Variants in EXOC7 observed in about 807,000 individuals in gnomAD.
EXOC7 encodes the protein exocyst complex component Exo70.
In EXOC7, 51 loss-of-function variants were observed where a neutral mutation model predicts 87.6. The observed-to-expected ratio is 0.58, with a 90% confidence interval of 0.46 to 0.73. The LOEUF is 0.73. Ranked by LOEUF, EXOC7 falls within the 30% of genes least tolerant of loss-of-function variation. EXOC7 has a pLI of 0.00. For synonymous variants in EXOC7, 327 were observed against 357.1 expected, an observed-to-expected ratio of 0.92 and a Z score of 0.95; for missense variants, 744 against 888.4, an observed-to-expected ratio of 0.84 and a Z score of 2.07.
chr17:76,092,453 C>A (rs571530274), intron 6 of EXOC7: 1 of 152,286 alleles, frequency 6.6e-6, no homozygotes, highest in Non-Finnish European at 1.5e-5. Context: ...CGTCACCACA[C>A]CCAACTAATT....
Position 76,103,622 on chromosome 17 carries a change from C to T in EXOC7, c.60+11G>A, listed in dbSNP as rs1392515239. ...TCACCTCCTCCCCAGCCTCCCCAGGCCCACGCCCACCTGCTTCAGCTTGTC... is the reference window on the plus strand; with the variant it reads ...TCACCTCCTCCCCAGCCTCCCCAGGTCCACGCCCACCTGCTTCAGCTTGTC... On this transcript the variant is annotated intron_variant, in intron 1 of 18. Transcript: ENST00000589210. The T allele has an allele frequency of 1.2e-6, 2 of 1,613,416 alleles. No individual in the cohort carries two copies. Among genetic ancestry groups the T allele is most frequent in the East Asian group, 4.5e-5 (2 of 44,812 alleles).
In EXOC7 at chr17:76,081,063, GA is replaced by G. The variant is rs1306244355; in HGVS notation, c.*2584del. 2.3e-4 allele frequency: 132 copies of G among 565,114 alleles called. No homozygotes were observed. The East Asian group carries it at 4.3e-3, about 18-fold the overall frequency. The allele number at this position is 565,114 out of a possible 1,614,324, so 35.0% of individuals were successfully genotyped here. On this transcript the variant is annotated 3_prime_UTR_variant, in exon 19 of 19. Coordinates refer to ENST00000589210, the MANE Select transcript of EXOC7 (RefSeq NM_001013839.4). ...ATTTTTACAATGAAAGCTCATCTAT[GA>G]ATCTGATAAAGGCCTTCCTTCAACT...
At chr17:76,094,228 T>G in intron 6 of EXOC7, 186 bp downstream of exon 6, 2 of 573,108 alleles carry the variant, frequency 3.5e-6, no homozygotes, top group African/African-American at 1.9e-5. Context: ...GAAGGAAGAG[T>G]CTTGCTCTTG....
Position 76,103,337 on chromosome 17 carries a change from TC to T in EXOC7, c.126+23del. The T allele has an allele frequency of 3.8e-6, 6 of 1,572,450 alleles. No individual in the cohort carries two copies. In the South Asian group the frequency reaches 5.8e-5, roughly 15 times the overall value. On this transcript the variant is annotated intron_variant, in intron 2 of 18. Coordinates refer to ENST00000589210, the MANE Select transcript of EXOC7 (RefSeq NM_001013839.4). ...CCCCAGGGTCCGGAGGCCTGCCCTC[TC>T]CCCCAGCTGCGGGGAGACTCACCAT...
chr17:76,101,729 G>T lies in EXOC7; in HGVS notation c.261C>A (p.Val87=), dbSNP rs1158518098. ...VEKTLSCLDH[V]ISYYHVASDT... ...CACTGGCCACATGGTAGTAGCTGATGACATGGTCCAGGCAGGACAGCGTCT... is the reference window on the plus strand; with the variant it reads ...CACTGGCCACATGGTAGTAGCTGATTACATGGTCCAGGCAGGACAGCGTCT... Residue 87 remains valine (V), a synonymous_variant, in exon 3 of 19, where the codon GTC becomes GTA. Transcript: ENST00000589210. 6.2e-7 allele frequency: 1 copy of T among 1,614,114 alleles called. No homozygotes were observed. Among genetic ancestry groups the T allele is most frequent in the South Asian group, 1.1e-5 (1 of 91,068 alleles).
rs759863202 is a variant in EXOC7 at position 76,082,677 on chromosome 17, C to A, written c.*971G>T. 6.4e-7 allele frequency: 1 copy of A among 1,568,472 alleles called. No homozygotes were observed. Among genetic ancestry groups the A allele is most frequent in the East Asian group, 2.3e-5 (1 of 44,228 alleles). ...AAAGGGGCAGGGCCTGGGCTGCACA[C>A]CTTAGGATGAAGTTTGCTTTCCCAT... On this transcript the variant is annotated 3_prime_UTR_variant, in exon 19 of 19. Transcript: ENST00000589210.
chr17:76,099,135 G>C (rs1260427602), intron 4 of EXOC7, among the ~76,000 whole-genome samples: 1 of 152,032 alleles, frequency 6.6e-6, no homozygotes, highest in Admixed American at 6.6e-5. Flanking sequence ...TATATAAGAG[G>C]GTTTATAGCA....
intron 16 of EXOC7, 113 bp downstream of exon 16, chr17:76,084,404 T>C (rs1377658761): frequency 6.4e-7 from 1 of 1,551,510 alleles, no homozygotes; most frequent in African/African-American, 1.4e-5. Context: ...GATGGCCACA[T>C]GCATCCTTTG....
At position 76,103,647 on chromosome 17, in the gene EXOC7, C is replaced by T. The variant is rs769366627; in HGVS notation, c.46G>A (p.Asp16Asn). 1.2e-6 allele frequency: 2 copies of T among 1,613,654 alleles called. No individual in the cohort carries two copies. The highest frequency in any genetic ancestry group is 1.1e-5 in the South Asian group (1 of 90,972). ...EASARRREIE[D>N]KLKQEEETLS... ...CCCACGCCCACCTGCTTCAGCTTGT[C>T]CTCAATCTCCCGCCGTCGAGCGGAT... The change falls in exon 1 of 19, where the codon GAC becomes AAC. Residue 16 changes from aspartate (D) to asparagine (N), a missense_variant. Asp to Asn is a conservative substitution (Grantham distance 23, BLOSUM62 1). Around this residue, in one of 3 missense-constraint regions of EXOC7, gnomAD observed 512 missense variants for 573.0 expected, o/e 0.89. Coordinates refer to ENST00000589210, the MANE Select transcript of EXOC7 (RefSeq NM_001013839.4).
chr17:76,084,171 C>T (rs536693804), intron 17 of EXOC7, 32 bp from the exon 18 acceptor site: 2 of 1,596,018 alleles, frequency 1.3e-6, no homozygotes, highest in Non-Finnish European at 1.7e-6. Flanking sequence ...AAGGAAGGCA[C>T]CCAGAGACAA....
At chr17:76,101,605 T>C (rs2068065044) in intron 3 of EXOC7, 74 bp downstream of exon 3, 9 of 1,517,020 alleles carry the variant, frequency 5.9e-6, no homozygotes, top group Middle Eastern at 3.6e-4. Flanking sequence ...TCCCAAATTG[T>C]TGGGATTACA....
Position 76,082,267 on chromosome 17 carries a change from A to G in EXOC7, c.*1381T>C. On this transcript the variant is annotated 3_prime_UTR_variant, in exon 19 of 19. Coordinates refer to ENST00000589210, the MANE Select transcript of EXOC7 (RefSeq NM_001013839.4). ...AGTCCCAGGTGACCTCAATCCCCTGATAACCCATGCCTTGCACAGCCTAAG... is the reference window on the plus strand; with the variant it reads ...AGTCCCAGGTGACCTCAATCCCCTGGTAACCCATGCCTTGCACAGCCTAAG... 1 of 776,166 alleles carries G rather than the reference A, an allele frequency of 1.3e-6. No individual in the cohort carries two copies. The highest frequency in any genetic ancestry group is 2.0e-6 in the Non-Finnish European group (1 of 499,700). The allele number at this position is 776,166 out of a possible 1,614,324, so 48.1% of individuals were successfully genotyped here.
intron 7 of EXOC7, chr17:76,090,499 G>A: frequency 6.5e-7 from 1 of 1,550,290 alleles, no homozygotes; most frequent in Non-Finnish European, 8.7e-7. Context: ...TCCAGGAGGG[G>A]GACGTCAGAT....
At position 76,081,199 on chromosome 17, in the gene EXOC7, G is replaced by T; in HGVS notation, c.*2449C>A. On this transcript the variant is annotated 3_prime_UTR_variant, in exon 19 of 19. Transcript: ENST00000589210. ...GCCATCAAAAGTCTCCATCACCCCT[G>T]GGCTCCAGTCTGCTACCCCCAGACT... 6.3e-7 allele frequency: 1 copy of T among 1,583,442 alleles called. No homozygotes were observed. Among genetic ancestry groups the T allele is most frequent in the Non-Finnish European group, 8.6e-7 (1 of 1,163,996 alleles).
Position 76,085,677 on chromosome 17 carries a change from T to C in EXOC7, c.1616A>G (p.Lys539Arg). ...NYNYILKSLEKSELIQLVAVT... is the reference protein window; with the variant it reads ...NYNYILKSLERSELIQLVAVT... ...AGACTCACTCCCGCAGGCCACTTAC[T>C]TCTCCAGGGACTTGAGGATGTAATT... Residue 539 changes from lysine (K) to arginine (R), a missense_variant and splice_region_variant, in exon 14 of 19, where the codon AAG becomes AGG. By Grantham distance (26) the Lys-to-Arg change is conservative. Around this residue, in one of 3 missense-constraint regions of EXOC7, gnomAD observed 228 missense variants for 298.6 expected, o/e 0.76. Transcript: ENST00000589210. The C allele has an allele frequency of 6.2e-7, 1 of 1,614,056 alleles. No individual in the cohort carries two copies. The highest frequency in any genetic ancestry group is 8.5e-7 in the Non-Finnish European group (1 of 1,180,010).
chr17:76,099,945 T>C (rs551578940), intron 4 of EXOC7, among the ~76,000 whole-genome samples: 3 of 152,024 alleles, frequency 2.0e-5, no homozygotes, highest in African/African-American at 7.2e-5. Flanking sequence ...CTACAAAAAA[T>C]TTAAAACTTA....
At chr17:76,094,706 C>G in intron 5 of EXOC7, 125 bp from the exon 6 acceptor site, 2 of 924,182 alleles carry the variant, frequency 2.2e-6, no homozygotes, top group Non-Finnish European at 3.2e-6. Context: ...TGGTCACAAG[C>G]CACCCATATC....
At position 76,081,922 on chromosome 17, in the gene EXOC7, C is replaced by T; in HGVS notation, c.*1726G>A. ...TCCTGCTGCTGCTGCTCTTCCTCAG[C>T]ACCATAGAGACTGTGCTGCTGGCTG... On this transcript the variant is annotated 3_prime_UTR_variant, in exon 19 of 19. Transcript: ENST00000589210. The T allele has an allele frequency of 6.2e-7, 1 of 1,613,236 alleles. No individual in the cohort carries two copies. The highest frequency in any genetic ancestry group is 1.1e-5 in the South Asian group (1 of 91,054).
rs747196753 is a variant in EXOC7, at chr17:76,081,303, C to T, written c.*2345G>A. ...CGATGGAGTTAGAGTTCCAGGCCCA[C>T]GTGGTGAACGAGATTGTGAGTGTCA... On this transcript the variant is annotated 3_prime_UTR_variant, in exon 19 of 19. Coordinates refer to ENST00000589210, the MANE Select transcript of EXOC7 (RefSeq NM_001013839.4). The T allele has an allele frequency of 3.1e-6, 5 of 1,614,056 alleles. No individual in the cohort carries two copies. The highest frequency in any genetic ancestry group is 1.7e-5 in the Admixed American group (1 of 60,022).
Sources: gnomAD v4.1 joint callset for allele counts (sites outside exome capture counted in the v4.1 genomes callset) on GRCh38, gnomAD v4.1.1 for gene constraint, gnomAD v4.1.1 regional missense constraint, MANE v1.5 for transcripts, NCBI Gene and HGNC (gene_info 2026-07-23, HGNC 2026-07-21) for gene names.